XYLT1: variants seen among roughly 807,000 people sequenced by gnomAD.
XYLT1 encodes beta-D-xylosyltransferase 1.
In XYLT1, 36 loss-of-function variants were observed where a neutral mutation model predicts 91.3. That is an observed-to-expected ratio of 0.39 (90% CI 0.30 to 0.52). XYLT1 has a LOEUF of 0.52. Ranked by LOEUF, XYLT1 falls within the 20% of genes least tolerant of loss-of-function variation. The pLI, the probability that XYLT1 is intolerant of heterozygous loss-of-function variation, is 0.68. For synonymous variants in XYLT1, 588 were observed against 532.0 expected (o/e 1.11, Z -1.45); for missense variants, 1,242 against 1,284.5 (o/e 0.97, Z 0.51).
At chr16:17,369,524 C>T (rs775553580) in intron 1 of XYLT1, 3 of 152,124 alleles carry the variant, frequency 2.0e-5, no homozygotes, top group Non-Finnish European at 4.4e-5. Context: ...ATCTGTTCAC[C>T]ACCATACCTT....
At chr16:17,459,231 G>C (rs1441972808) in intron 1 of XYLT1, among the ~76,000 whole-genome samples, 1 of 151,990 alleles carries the variant, frequency 6.6e-6, no homozygotes. Flanking sequence ...AATTAGCCGG[G>C]CATGGTGGCA....
rs114173694 is a variant in XYLT1, at chr16:17,266,001, A to G, written c.403-6503T>C. Among the ~76,000 whole-genome samples, 426 of 152,322 alleles carry G rather than the reference A, an allele frequency of 2.8e-3. 3 individuals carry two copies. The highest frequency in any genetic ancestry group is 9.8e-3 in the African/African-American group (409 of 41,552). On this transcript the variant is annotated intron_variant, in intron 2 of 11. Coordinates refer to ENST00000261381, the MANE Select transcript of XYLT1 (RefSeq NM_022166.4). ...ACCATTCTGAGTTAGTTATTAATCA[A>G]TATATTCAATGAACAAAATTCTGCC...
At chr16:17,322,429 CAGAGTG>C (rs2034737776) in intron 2 of XYLT1, among the ~76,000 whole-genome samples, 1 of 152,142 alleles carries the variant, frequency 6.6e-6, no homozygotes, top group Non-Finnish European at 1.5e-5. Flanking sequence ...GACGCTGAGA[CAGAGTG>C]CTGCAGTGTC....
intron 3 of XYLT1, among the ~76,000 whole-genome samples, chr16:17,256,105 T>TTGTCCCTGCTGCCACCC (rs1191823581): frequency 1.3e-5 from 2 of 152,166 alleles, no homozygotes; most frequent in Non-Finnish European, 2.9e-5. Flanking sequence ...CTTGTTAAAG[T>TTGTCCCTGCTGCCACCC]TGTCCCTGCT....
intron 2 of XYLT1, among the ~76,000 whole-genome samples, chr16:17,284,025 G>T (rs192134345): frequency 1.3e-5 from 2 of 152,298 alleles, no homozygotes; most frequent in Admixed American, 6.5e-5. Flanking sequence ...TCAACATAGA[G>T]CAGAGGTTGA....
At position 17,138,623 on chromosome 16, in the gene XYLT1, A is replaced by ATGTAAGAACTGGT. The variant is rs1183329675; in HGVS notation, c.1588-105_1588-93dup. The ATGTAAGAACTGGT allele has an allele frequency of 8.8e-5, 127 of 1,448,108 alleles. 1 individual carries two copies. The highest frequency in any genetic ancestry group is 2.9e-4 in the South Asian group (23 of 78,860). The allele number at this position is 1,448,108 out of a possible 1,614,324, so 89.7% of individuals were successfully genotyped here. On this transcript the variant is annotated intron_variant, in intron 7 of 11. Coordinates refer to ENST00000261381, the MANE Select transcript of XYLT1 (RefSeq NM_022166.4). ...AATGGTGAACCCTTGCTCTGAGTTC[A>ATGTAAGAACTGGT]TGTAAGAACTGGTTGTTTAAAAGAA...
chr16:17,325,274 G>A (rs902089554), intron 2 of XYLT1, among the ~76,000 whole-genome samples: 1 of 152,130 alleles, frequency 6.6e-6, no homozygotes, highest in Non-Finnish European at 1.5e-5. Flanking sequence ...GGTGGCGTGC[G>A]CCTGTAATCC....
chr16:17,186,075 T>C (rs1320526198), intron 5 of XYLT1, among the ~76,000 whole-genome samples: 5 of 152,142 alleles, frequency 3.3e-5, no homozygotes, highest in Non-Finnish European at 7.3e-5. Flanking sequence ...TTACATTCAG[T>C]TGATCTGGAA....
chr16:17,141,117 C>CCTAT (rs2030960331), intron 7 of XYLT1, 36 bp downstream of exon 7: 1 of 1,603,470 alleles, frequency 6.2e-7, no homozygotes, highest in Non-Finnish European at 8.5e-7. Context: ...AGAACAAGCC[C>CCTAT]CTATCTTTCT....
chr16:17,241,645 T>C (rs571715893), intron 3 of XYLT1, among the ~76,000 whole-genome samples: 4 of 152,214 alleles, frequency 2.6e-5, no homozygotes, highest in Non-Finnish European at 5.9e-5. Context: ...AGAGGCAGCA[T>C]TGACGTTGGA....
chr16:17,466,037 T>TA (rs1339310477), intron 1 of XYLT1, among the ~76,000 whole-genome samples: 2 of 152,196 alleles, frequency 1.3e-5, no homozygotes, highest in African/African-American at 2.4e-5. Context: ...GCCTCGCACA[T>TA]ACTTGTTGGG....
intron 10 of XYLT1, among the ~76,000 whole-genome samples, chr16:17,126,903 A>AG (rs1357296642): frequency 6.6e-6 from 1 of 152,230 alleles, no homozygotes; most frequent in African/African-American, 2.4e-5. Flanking sequence ...GTGAAGAGGG[A>AG]GACACAGTTC....
intron 3 of XYLT1, among the ~76,000 whole-genome samples, chr16:17,219,280 C>CAAAAAAAAAAAAAAAAAAAA (rs369055155): frequency 3.3e-4 from 28 of 84,994 alleles, no homozygotes; most frequent in South Asian, 5.0e-4. Flanking sequence ...GACTTTGTCT[C>CAAAAAAAAAAAAAAAAAAAA]AAAAAAAAAA....
At chr16:17,393,942 A>AT (rs2035853541) in intron 1 of XYLT1, among the ~76,000 whole-genome samples, 1 of 151,700 alleles carries the variant, frequency 6.6e-6, no homozygotes, top group African/African-American at 2.4e-5. Flanking sequence ...CACCTGGCTA[A>AT]TTTTTTCTAT....
At chr16:17,184,844 C>T (rs1202099299) in intron 5 of XYLT1, among the ~76,000 whole-genome samples, 2 of 151,498 alleles carry the variant, frequency 1.3e-5, no homozygotes, top group African/African-American at 2.4e-5. Context: ...TTCCCCAGGA[C>T]TCTGAATTTT....
At chr16:17,338,066 C>G in intron 2 of XYLT1, 1 of 400,068 alleles carries the variant, frequency 2.5e-6, no homozygotes, top group Admixed American at 2.7e-5. Context: ...CCGCACCCGG[C>G]CCCCGTTCTA....
At chr16:17,458,638 T>C (rs2036775405) in intron 1 of XYLT1, among the ~76,000 whole-genome samples, 1 of 152,108 alleles carries the variant, frequency 6.6e-6, no homozygotes, top group Admixed American at 6.5e-5. Context: ...TTCAAACTGG[T>C]TAAGTTGACA....
At chr16:17,343,321 G>A (rs537259914) in intron 2 of XYLT1, among the ~76,000 whole-genome samples, 8 of 152,264 alleles carry the variant, frequency 5.3e-5, no homozygotes, top group Admixed American at 3.3e-4. Flanking sequence ...ATTGTGCCAC[G>A]AACTCCTCTT....
At chr16:17,351,043 C>T (rs73523081) in intron 2 of XYLT1, among the ~76,000 whole-genome samples, 66 of 152,246 alleles carry the variant, frequency 4.3e-4, no homozygotes, top group African/African-American at 1.5e-3. Flanking sequence ...TAACTCTGCA[C>T]ATTCTTTGCA....
Sources: allele counts gnomAD v4.1 joint callset (sites outside exome capture counted in the v4.1 genomes callset), GRCh38; gene constraint gnomAD v4.1.1; transcripts MANE v1.5; gene names NCBI Gene and HGNC (gene_info 2026-07-23, HGNC 2026-07-21).